ABCA13: variants seen among roughly 807,000 people sequenced by gnomAD.
The protein encoded by ABCA13 is ATP binding cassette subfamily A member 13.
Under a neutral mutation model 478.7 loss-of-function variants are expected in ABCA13, and 476 were observed. The ratio of observed to expected loss-of-function variants is 0.99; its 90% CI spans 0.92 to 1.07. ABCA13 has a LOEUF of 1.07. Ranked by LOEUF, ABCA13 falls within the 50% of genes least tolerant of loss-of-function variation. ABCA13 has a pLI of 0.00. For missense variants in ABCA13, 6,060 were observed against 5,910.6 expected (o/e 1.03, Z -0.83); for synonymous variants, 2,252 against 2,158.9 (o/e 1.04, Z -1.20).
intron 35 of ABCA13, among the ~76,000 whole-genome samples, chr7:48,383,459 G>C (rs1008749083): frequency 6.6e-6 from 1 of 152,232 alleles, no homozygotes; most frequent in South Asian, 2.1e-4. Flanking sequence ...ATCTTTGTAC[G>C]ACTTCCACTT....
chr7:48,293,202 C>A (rs924297461), intron 20 of ABCA13, among the ~76,000 whole-genome samples: 3 of 136,814 alleles, frequency 2.2e-5, no homozygotes, highest in African/African-American at 7.7e-5. Context: ...GCCCCCCCCC[C>A]GCCACACACA....
chr7:48,192,032 T>A (rs920654993), intron 1 of ABCA13, among the ~76,000 whole-genome samples: 7 of 152,268 alleles, frequency 4.6e-5, no homozygotes, highest in African/African-American at 1.2e-4. Flanking sequence ...CTACTTTTTG[T>A]CTGGCTATAA....
chr7:48,463,641 G>A (rs938029941), intron 43 of ABCA13, among the ~76,000 whole-genome samples: 5 of 152,106 alleles, frequency 3.3e-5, no homozygotes, highest in African/African-American at 1.2e-4. Context: ...AAATCCCATA[G>A]AGCCCAAGAC....
intron 51 of ABCA13, among the ~76,000 whole-genome samples, chr7:48,512,885 A>G (rs745819207): frequency 7.9e-5 from 12 of 152,232 alleles, no homozygotes; most frequent in South Asian, 6.2e-4. Context: ...GACTGGAAAG[A>G]TGTCAGAGAT....
chr7:48,615,326 T>C lies in ABCA13; in HGVS notation c.14786T>C (p.Met4929Thr), dbSNP rs944001592. Residue 4929 changes from methionine to threonine, a missense_variant, in exon 59 of 62, where the codon ATG becomes ACG. Around this residue, in one of 3 missense-constraint regions of ABCA13, gnomAD observed 1,627 missense variants for 1,571.0 expected, o/e 1.04. Coordinates refer to ENST00000435803, the MANE Select transcript of ABCA13 (RefSeq NM_152701.5). The part of the protein sequence containing the change: ...CEALCTRLAI[M>T]VNGSFKCLGS... ...GCTCTTTGCACAAGACTGGCCATAATGGTTAACGGCAGCTTCAAATGTCTT... is the reference window on the plus strand; with the variant it reads ...GCTCTTTGCACAAGACTGGCCATAACGGTTAACGGCAGCTTCAAATGTCTT... The C allele has an allele frequency of 5.1e-6, 8 of 1,582,684 alleles. No individual in the cohort carries two copies. In the Admixed American group the frequency reaches 1.4e-4, roughly 28 times the overall value.
In ABCA13 at chr7:48,471,542, A is replaced by G. The variant is rs1827496204; in HGVS notation, c.12918A>G (p.Ser4306=). 6.4e-7 allele frequency: 1 copy of G among 1,559,850 alleles called. No homozygotes were observed. The highest frequency in any genetic ancestry group is 8.7e-7 in the Non-Finnish European group (1 of 1,150,100). The change falls in exon 45 of 62, where the codon TCA becomes TCG. Residue 4306 remains serine, a synonymous_variant. Coordinates refer to ENST00000435803, the MANE Select transcript of ABCA13 (RefSeq NM_152701.5). ...CTTTGTTTTTTAGGAAGAATTCTTC[A>G]TGCTGGCGCACAGATCCCTTTTCTC... ...ADLNPRQKNS[S]CWRTDPFSHP... is the part of the protein sequence containing the mutation.
At chr7:48,270,374 T>C (rs1795434653) in intron 16 of ABCA13, among the ~76,000 whole-genome samples, 1 of 151,280 alleles carries the variant, frequency 6.6e-6, no homozygotes, top group South Asian at 2.1e-4. Flanking sequence ...TAAAGTAATA[T>C]AAAAACGTGG....
intron 28 of ABCA13, among the ~76,000 whole-genome samples, chr7:48,336,532 G>A (rs1806291833): frequency 1.3e-5 from 2 of 152,134 alleles, no homozygotes; most frequent in Admixed American, 6.5e-5. Flanking sequence ...AGATAAGGCC[G>A]AGAGGGAGTC....
intron 24 of ABCA13, among the ~76,000 whole-genome samples, chr7:48,310,356 CA>C (rs1369141954): frequency 6.6e-6 from 1 of 152,158 alleles, no homozygotes; most frequent in Non-Finnish European, 1.5e-5. Flanking sequence ...GGAGACCCTT[CA>C]GGGGGTCCTT....
At position 48,452,568 on chromosome 7, in the gene ABCA13, G is replaced by T. The variant is rs150805712; in HGVS notation, c.12566-2469G>T. The stretch of plus-strand genomic sequence containing the variant: ...GTATCACTTAACAAATATCTCTTCT[G>T]CCAACTAAGCAGGTATTTACAGCCA... On this transcript the variant is annotated intron_variant, in intron 42 of 61. Transcript: ENST00000435803. 1.8e-3 allele frequency among the ~76,000 whole-genome samples: 273 copies of T among 152,234 alleles called. 2 individuals are homozygous for T. Among genetic ancestry groups the T allele is most frequent in the African/African-American group, 6.4e-3 (266 of 41,520 alleles).
intron 27 of ABCA13, among the ~76,000 whole-genome samples, chr7:48,321,101 G>C (rs1352323076): frequency 6.6e-6 from 1 of 152,156 alleles, no homozygotes; most frequent in Non-Finnish European, 1.5e-5. Flanking sequence ...TCAAACCGGG[G>C]TGGGGTTGGA....
chr7:48,468,302 C>T (rs7782619), intron 44 of ABCA13, among the ~76,000 whole-genome samples: 28,948 of 152,086 alleles, frequency 0.19, 3,255 homozygotes, highest in African/African-American at 0.31. Flanking sequence ...CTCTCTGTTC[C>T]ATGAGCTCCT....
chr7:48,411,229 C>G (rs1031178563), intron 40 of ABCA13, among the ~76,000 whole-genome samples: 1 of 140,160 alleles, frequency 7.1e-6, no homozygotes, highest in African/African-American at 2.6e-5. Context: ...TTCTCTTTCT[C>G]TTTCTTTCTT....
At chr7:48,575,322 A>C (rs1788058040) in intron 55 of ABCA13, among the ~76,000 whole-genome samples, 1 of 152,114 alleles carries the variant, frequency 6.6e-6, no homozygotes, top group African/African-American at 2.4e-5. Flanking sequence ...GGTTTTTTAA[A>C]AGTTGATACT....
At chr7:48,578,450 T>C (rs1348281199) in intron 55 of ABCA13, among the ~76,000 whole-genome samples, 1 of 152,118 alleles carries the variant, frequency 6.6e-6, no homozygotes, top group African/African-American at 2.4e-5. Context: ...ATTTGAAATT[T>C]TAAAAACATA....
At chr7:48,450,508 G>A (rs2129182640) in intron 42 of ABCA13, among the ~76,000 whole-genome samples, 1 of 152,032 alleles carries the variant, frequency 6.6e-6, no homozygotes. Flanking sequence ...TGGCATGTAG[G>A]GTTTATGAAT....
Position 48,372,240 on chromosome 7 carries a change from A to G in ABCA13, c.10876A>G (p.Thr3626Ala). The G allele has an allele frequency of 6.2e-7, 1 of 1,613,876 alleles. No homozygotes were observed. The highest frequency in any genetic ancestry group is 1.1e-5 in the South Asian group (1 of 91,076). ...GTTCCTGGAGAACATGGCTGTGTTG[A>G]CCATAAGCAGTGCTACTCTGGCCAT... ...AWFLENMAVL[T>A]ISSATLAIVL... Residue 3626 changes from threonine to alanine, a missense_variant, in exon 33 of 62, where the codon ACC becomes GCC. Thr to Ala is a moderately conservative substitution (Grantham distance 58, BLOSUM62 0). Around this residue, in one of 3 missense-constraint regions of ABCA13, gnomAD observed 4,423 missense variants for 4,309.1 expected, o/e 1.03. Coordinates refer to ENST00000435803, the MANE Select transcript of ABCA13 (RefSeq NM_152701.5).
chr7:48,571,977 A>G (rs1210913376), intron 55 of ABCA13, among the ~76,000 whole-genome samples: 1 of 152,160 alleles, frequency 6.6e-6, no homozygotes, highest in East Asian at 1.9e-4. Context: ...TAGGAGTTCA[A>G]CAGCAGCCTG....
intron 58 of ABCA13, among the ~76,000 whole-genome samples, chr7:48,608,480 C>G (rs887460061): frequency 6.6e-6 from 1 of 152,338 alleles, no homozygotes; most frequent in African/African-American, 2.4e-5. Flanking sequence ...CATGCAGCCG[C>G]AGCTATATGC....
Sources: gnomAD v4.1 joint callset for allele counts (sites outside exome capture counted in the v4.1 genomes callset) on GRCh38, gnomAD v4.1.1 for gene constraint, gnomAD v4.1.1 regional missense constraint, MANE v1.5 for transcripts, NCBI Gene and HGNC (gene_info 2026-07-23, HGNC 2026-07-21) for gene names.